PSD4: variants seen among roughly 807,000 people sequenced by gnomAD.
PSD4 encodes the protein pleckstrin and Sec7 domain containing 4.
In PSD4, 59 loss-of-function variants were observed where a neutral mutation model predicts 112.5. The ratio of observed to expected loss-of-function variants is 0.52; its 90% CI spans 0.43 to 0.65. The LOEUF is 0.65. Ranked by LOEUF, PSD4 falls within the 30% of genes least tolerant of loss-of-function variation. The pLI is 0.00. For missense variants in PSD4, 1,267 were observed against 1,352.6 expected (o/e 0.94, Z 0.99); for synonymous variants, 533 against 540.0 (o/e 0.99, Z 0.18).
In PSD4 at chr2:113,206,860, A is replaced by G. The variant is rs774400700; in HGVS notation, c.*5445A>G. On this transcript the variant is annotated 3_prime_UTR_variant, in exon 17 of 17. Transcript: ENST00000245796. ...GCACTTGGCTCTGCCTTGGCCTGCA[A>G]ATAACAAATCTGAGCTCAAATGAGC... The G allele has an allele frequency of 2.6e-5, 4 of 152,154 alleles. No homozygotes were observed. Among genetic ancestry groups the G allele is most frequent in the Non-Finnish European group, 5.9e-5 (4 of 68,052 alleles). The allele number at this position is 152,154 out of a possible 1,614,324, so 9.4% of individuals were successfully genotyped here. A position where few individuals can be genotyped will look rare whatever the true frequency, so the allele number is the denominator to read the frequency against.
At chr2:113,189,183 C>A (rs963847503) in intron 5 of PSD4, among the ~76,000 whole-genome samples, 1 of 152,064 alleles carries the variant, frequency 6.6e-6, no homozygotes, top group African/African-American at 2.4e-5. Context: ...TCCTGAGTTA[C>A]TTCACTTAGA....
In PSD4 at chr2:113,203,898, A is replaced by C. The variant is rs1439765626; in HGVS notation, c.*2483A>C. On this transcript the variant is annotated 3_prime_UTR_variant, in exon 17 of 17. Coordinates refer to ENST00000245796, the MANE Select transcript of PSD4 (RefSeq NM_012455.3). ...TTCTAAAACCATGATAAAAGGTGAA[A>C]GTCTGAATGCATGTGTGTGTGACAC... 1 of 152,154 alleles carries C rather than the reference A, an allele frequency of 6.6e-6. No individual in the cohort carries two copies. The highest frequency in any genetic ancestry group is 1.9e-4 in the East Asian group (1 of 5,198). 9.4% of individuals were successfully genotyped at this position (152,154 alleles called of 1,614,324 possible).
intron 1 of PSD4, 45 bp from the exon 2 acceptor site, chr2:113,182,301 G>T (rs1688157963): frequency 2.9e-6 from 2 of 692,194 alleles, no homozygotes; most frequent in South Asian, 3.8e-5. Context: ...GCCTCCAGAG[G>T]CTGACAGCCC....
At position 113,193,987 on chromosome 2, in the gene PSD4, A is replaced by T. The variant is rs773294199; in HGVS notation, c.2181+39A>T. 3.8e-6 allele frequency: 6 copies of T among 1,584,580 alleles called. No individual in the cohort carries two copies. The East Asian group carries it at 1.3e-4, about 35-fold the overall frequency. ...GGTCTTCTTATGAGCCTCATGTAGG[A>T]CCTGGAGCCTTGGTTCTTTGTTCCA... On this transcript the variant is annotated intron_variant, in intron 10 of 16. Coordinates refer to ENST00000245796, the MANE Select transcript of PSD4 (RefSeq NM_012455.3).
Position 113,184,945 on chromosome 2 carries a change from T to G in PSD4, c.1057-12T>G. 1 of 1,613,916 alleles carries G rather than the reference T, an allele frequency of 6.2e-7. No individual in the cohort carries two copies. Among genetic ancestry groups the G allele is most frequent in the Non-Finnish European group, 8.5e-7 (1 of 1,179,986 alleles). On this transcript the variant is annotated splice_polypyrimidine_tract_variant and intron_variant, in intron 2 of 16. Coordinates refer to ENST00000245796, the MANE Select transcript of PSD4 (RefSeq NM_012455.3). ...TCTCCTTCTCTCCTCTGTCTCTCTC[T>G]CGACTTCTCAGGGAGATAGGCTTGG...
intron 4 of PSD4, 40 bp from the exon 5 acceptor site, chr2:113,185,837 C>G: frequency 6.3e-7 from 1 of 1,586,824 alleles, no homozygotes; most frequent in East Asian, 2.3e-5. Flanking sequence ...GTTCTCCTGC[C>G]TCCTGCCCTG....
At chr2:113,178,301 C>A (rs948485014) in intron 1 of PSD4, among the ~76,000 whole-genome samples, 1 of 152,076 alleles carries the variant, frequency 6.6e-6, no homozygotes, top group South Asian at 2.1e-4. Flanking sequence ...GTCTCCATTG[C>A]CTTGGGCTCC....
At position 113,183,028 on chromosome 2, in the gene PSD4, C is replaced by T. The variant is rs754972590; in HGVS notation, c.572C>T (p.Pro191Leu). The T allele has an allele frequency of 1.2e-6, 2 of 1,613,928 alleles. No homozygotes were observed. Among genetic ancestry groups the T allele is most frequent in the Non-Finnish European group, 1.7e-6 (2 of 1,179,888 alleles). The change falls in exon 2 of 17, where the codon CCC becomes CTC. Residue 191 changes from proline (P) to leucine (L), a missense_variant. Coordinates refer to ENST00000245796, the MANE Select transcript of PSD4 (RefSeq NM_012455.3). Reference protein sequence around the residue: ...KAGLKCCLPTPPVDLPGDTGL... With the variant: ...KAGLKCCLPTLPVDLPGDTGL... ...GGGCTGAAATGCTGTCTCCCCACGC[C>T]CCCTGTGGACCTCCCCGGGGACACG...
chr2:113,196,465 GT>G (rs1688618457), intron 12 of PSD4, 158 bp downstream of exon 12: 20 of 950,956 alleles, frequency 2.1e-5, no homozygotes, highest in Middle Eastern at 3.4e-4. Flanking sequence ...CAGTGACCAT[GT>G]GCTGGATGCT....
chr2:113,183,041 C>T lies in PSD4; in HGVS notation c.585C>T (p.Leu195=). ...KCCLPTPPVD[L]PGDTGLHSSP... ...GTCTCCCCACGCCCCCTGTGGACCTCCCCGGGGACACGGGCCTGCACTCCA... is the reference window on the plus strand; with the variant it reads ...GTCTCCCCACGCCCCCTGTGGACCTTCCCGGGGACACGGGCCTGCACTCCA... Residue 195 remains leucine, a synonymous_variant, in exon 2 of 17, where the codon CTC becomes CTT. Coordinates refer to ENST00000245796, the MANE Select transcript of PSD4 (RefSeq NM_012455.3). 6.2e-7 allele frequency: 1 copy of T among 1,613,674 alleles called. No individual in the cohort carries two copies. The highest frequency in any genetic ancestry group is 8.5e-7 in the Non-Finnish European group (1 of 1,179,742).
chr2:113,176,907 AG>A (rs1687996579), intron 1 of PSD4, among the ~76,000 whole-genome samples: 1 of 152,198 alleles, frequency 6.6e-6, no homozygotes, highest in Non-Finnish European at 1.5e-5. Context: ...GGTGACCGGT[AG>A]GACTGCCTTT....
intron 12 of PSD4, 136 bp from the exon 13 acceptor site, chr2:113,197,428 C>T: frequency 1.2e-6 from 1 of 861,086 alleles, no homozygotes; most frequent in Admixed American, 2.0e-5. Context: ...TTGGCATGTT[C>T]TGCATTTGTG....
chr2:113,185,294 G>C, intron 3 of PSD4, 71 bp from the exon 4 acceptor site: 1 of 1,592,972 alleles, frequency 6.3e-7, no homozygotes, highest in Non-Finnish European at 8.6e-7. Flanking sequence ...CCTTCTCCCT[G>C]CCTGGCCTCT....
chr2:113,175,652 T>A (rs1387810026), intron 1 of PSD4, among the ~76,000 whole-genome samples: 1 of 151,848 alleles, frequency 6.6e-6, no homozygotes, highest in East Asian at 1.9e-4. Context: ...ATTTCCAGGG[T>A]AAAAGGAGGG....
chr2:113,187,812 AAC>A (rs1688339741), intron 5 of PSD4, among the ~76,000 whole-genome samples: 1 of 152,246 alleles, frequency 6.6e-6, no homozygotes, highest in Admixed American at 6.5e-5. Context: ...CTCTCCACCT[AAC>A]ACAGACGGGT....
intron 1 of PSD4, among the ~76,000 whole-genome samples, chr2:113,179,041 A>T (rs1157286074): frequency 6.6e-6 from 1 of 152,068 alleles, no homozygotes; most frequent in Non-Finnish European, 1.5e-5. Flanking sequence ...ATTATACCCC[A>T]TGGGCTGGTG....
chr2:113,198,744 G>A lies in PSD4; in HGVS notation c.2629G>A (p.Ala877Thr), dbSNP rs369320935. Reference sequence around the variant, plus strand: ...CAACGACCTCCTTTGCCCCAGCACTGCCAAGGAGATGAGCTCCTGGATCGC... The same window carrying A: ...CAACGACCTCCTTTGCCCCAGCACTACCAAGGAGATGAGCTCCTGGATCGC... Reference protein sequence around the residue: ...WRLYLFQAPTAKEMSSWIARI... With the variant: ...WRLYLFQAPTTKEMSSWIARI... Residue 877 changes from alanine to threonine, a missense_variant, in exon 15 of 17, where the codon GCC becomes ACC. By Grantham distance (58) the Ala-to-Thr change is moderately conservative. This residue lies in a region of PSD4 where 544 missense variants were observed against 648.6 expected (regional missense o/e 0.84). Transcript: ENST00000245796. The A allele has an allele frequency of 6.4e-7, 1 of 1,558,948 alleles. No individual in the cohort carries two copies. Among genetic ancestry groups the A allele is most frequent in the Non-Finnish European group, 8.7e-7 (1 of 1,153,206 alleles).
At chr2:113,198,033 T>A (rs1688662409) in intron 14 of PSD4, 120 bp downstream of exon 14, 1 of 1,191,894 alleles carries the variant, frequency 8.4e-7, no homozygotes, top group Non-Finnish European at 1.1e-6. Flanking sequence ...AATGGCCGTA[T>A]GATCAGAAAT....
chr2:113,179,465 G>T (rs1688068588), intron 1 of PSD4, among the ~76,000 whole-genome samples: 1 of 152,184 alleles, frequency 6.6e-6, no homozygotes, highest in South Asian at 2.1e-4. Flanking sequence ...AGGGTTCTTG[G>T]ATCTCGTGCA....
Sources: allele counts gnomAD v4.1 joint callset (sites outside exome capture counted in the v4.1 genomes callset), GRCh38; gene constraint gnomAD v4.1.1; regional missense constraint gnomAD v4.1.1; transcripts MANE v1.5; gene names NCBI Gene and HGNC (gene_info 2026-07-23, HGNC 2026-07-21).